VCAN: variants seen among roughly 807,000 people sequenced by gnomAD.
VCAN encodes versican core protein.
VCAN carries 44 observed loss-of-function variants against 245.5 expected under a neutral mutation model. That is an observed-to-expected ratio of 0.18 (90% confidence interval 0.14 to 0.23). The LOEUF is 0.23. VCAN is among the 10% of genes least tolerant of loss of function. The pLI, the probability that VCAN is intolerant of heterozygous loss-of-function variation, is 1.00. For missense variants in VCAN, 3,793 were observed against 4,057.9 expected (o/e 0.93, Z 1.77); for synonymous variants, 1,413 against 1,437.0 (o/e 0.98, Z 0.38).
At chr5:83,476,605 T>C (rs1744401582) in intron 1 of VCAN, among the ~76,000 whole-genome samples, 1 of 152,194 alleles carries the variant, frequency 6.6e-6, no homozygotes, top group African/African-American at 2.4e-5. Flanking sequence ...AAGCTCCATT[T>C]CAATTAGTGA....
chr5:83,553,101 TC>T (rs1163045735), intron 10 of VCAN, among the ~76,000 whole-genome samples: 3 of 152,338 alleles, frequency 2.0e-5, no homozygotes, highest in Admixed American at 1.3e-4. Flanking sequence ...TGGCCCCTCT[TC>T]CAGTTTTCTC....
intron 12 of VCAN, among the ~76,000 whole-genome samples, chr5:83,563,600 C>T (rs76565875): frequency 1.3e-5 from 2 of 152,086 alleles, no homozygotes; most frequent in Non-Finnish European, 1.5e-5. Flanking sequence ...GGTACCTGTC[C>T]TCTTGGGAAA....
chr5:83,535,453 C>T (rs182607667), intron 7 of VCAN, among the ~76,000 whole-genome samples: 1 of 152,156 alleles, frequency 6.6e-6, no homozygotes, highest in Non-Finnish European at 1.5e-5. Context: ...CTTTGCATTA[C>T]ATAAAAGTCT....
At chr5:83,491,167 T>A (rs1276640881) in intron 3 of VCAN, among the ~76,000 whole-genome samples, 1 of 152,202 alleles carries the variant, frequency 6.6e-6, no homozygotes, top group Admixed American at 6.5e-5. Context: ...ATATGTCATT[T>A]GAATTTAAGT....
chr5:83,562,913 T>C (rs1163189542), intron 12 of VCAN, among the ~76,000 whole-genome samples: 1 of 152,180 alleles, frequency 6.6e-6, no homozygotes, highest in East Asian at 1.9e-4. Flanking sequence ...TGTAGGGCAG[T>C]GAGCTCACAC....
At chr5:83,509,146 G>T (rs1745573219) in intron 5 of VCAN, among the ~76,000 whole-genome samples, 1 of 152,110 alleles carries the variant, frequency 6.6e-6, no homozygotes, top group African/African-American at 2.4e-5. Context: ...AGGGATAACA[G>T]AATTTAATCA....
At chr5:83,528,332 A>G (rs1055912354) in intron 7 of VCAN, among the ~76,000 whole-genome samples, 3 of 152,190 alleles carry the variant, frequency 2.0e-5, no homozygotes, top group Admixed American at 1.3e-4. Flanking sequence ...GCCAGTTATT[A>G]GCCAATTGCT....
chr5:83,533,213 A>G (rs1201539), intron 7 of VCAN, among the ~76,000 whole-genome samples: 74,409 of 152,042 alleles, frequency 0.49, 18,590 homozygotes, highest in Middle Eastern at 0.6. Context: ...ATGAAACTGC[A>G]TAATACATTT....
At chr5:83,530,522 G>A (rs1580638083) in intron 7 of VCAN, among the ~76,000 whole-genome samples, 2 of 151,994 alleles carry the variant, frequency 1.3e-5, no homozygotes, top group African/African-American at 4.8e-5. Context: ...AGGAGCAATA[G>A]GAATAAAAGA....
At chr5:83,535,085 A>G (rs563641662) in intron 7 of VCAN, among the ~76,000 whole-genome samples, 1 of 152,230 alleles carries the variant, frequency 6.6e-6, no homozygotes, top group South Asian at 2.1e-4. Flanking sequence ...AATTAGTAAC[A>G]ATTGCAACAT....
At chr5:83,526,104 G>A (rs943355370) in intron 7 of VCAN, among the ~76,000 whole-genome samples, 9 of 151,738 alleles carry the variant, frequency 5.9e-5, no homozygotes, top group Admixed American at 2.0e-4. Flanking sequence ...CATGCCTGGC[G>A]AATTTTTGTA....
At chr5:83,555,399 A>G (rs2112473272) in intron 12 of VCAN, among the ~76,000 whole-genome samples, 1 of 152,370 alleles carries the variant, frequency 6.6e-6, no homozygotes, top group East Asian at 1.9e-4. Flanking sequence ...TTTTAAAAAA[A>G]TACCTTTCCG....
Position 83,580,303 on chromosome 5 carries a change from G to A in VCAN, c.10064-4G>A. 1 of 1,613,736 alleles carries A rather than the reference G, an allele frequency of 6.2e-7. No homozygotes were observed. The highest frequency in any genetic ancestry group is 2.2e-5 in the East Asian group (1 of 44,866). On this transcript the variant is annotated splice_polypyrimidine_tract_variant and splice_region_variant and intron_variant, in intron 14 of 14. Coordinates refer to ENST00000265077, the MANE Select transcript of VCAN (RefSeq NM_004385.5). ...TCTTTTTTTCTTTCTTTCCTTCCATGTAGCATCTGCATACCAAAGGACTTA... is the reference window on the plus strand; with the variant it reads ...TCTTTTTTTCTTTCTTTCCTTCCATATAGCATCTGCATACCAAAGGACTTA...
At chr5:83,568,353 T>C (rs1406186978) in intron 12 of VCAN, among the ~76,000 whole-genome samples, 1 of 152,116 alleles carries the variant, frequency 6.6e-6, no homozygotes. Context: ...TATCAGACAT[T>C]CTTGTAAAAA....
intron 9 of VCAN, among the ~76,000 whole-genome samples, chr5:83,546,592 C>CAAAA (rs11380325): frequency 9.4e-5 from 13 of 137,724 alleles, no homozygotes; most frequent in African/African-American, 3.5e-4. Context: ...CTCACCTCTG[C>CAAAA]AAAAAAAAAA....
intron 2 of VCAN, 28 bp downstream of exon 2, chr5:83,483,616 T>C: frequency 1.3e-6 from 2 of 1,597,910 alleles, no homozygotes; most frequent in Non-Finnish European, 1.7e-6. Flanking sequence ...TTCTTTGGTG[T>C]TAATTGAAAT....
Position 83,516,000 on chromosome 5 carries a change from A to C in VCAN, c.1043-3349A>C, listed in dbSNP as rs546379872. Among the ~76,000 whole-genome samples, 16 of 152,350 alleles carry C rather than the reference A, an allele frequency of 1.1e-4. No individual in the cohort carries two copies. The South Asian group carries it at 1.9e-3, about 18-fold the overall frequency. ...GTAATCCCAGCATTTTGGGAGGCCA[A>C]GGTGGGCGGATCATGAGGTCAGGAG... On this transcript the variant is annotated intron_variant, in intron 6 of 14. Coordinates refer to ENST00000265077, the MANE Select transcript of VCAN (RefSeq NM_004385.5).
At chr5:83,494,070 T>G in intron 5 of VCAN, 139 bp downstream of exon 5, 1 of 1,439,064 alleles carries the variant, frequency 6.9e-7, no homozygotes, top group Non-Finnish European at 9.6e-7. Flanking sequence ...TGTATGATTT[T>G]GTGGTAAAAT....
chr5:83,528,692 G>T lies in VCAN; in HGVS notation c.4003+6383G>T, dbSNP rs145835425. Among the ~76,000 whole-genome samples the T allele has an allele frequency of 4.0e-3, 602 of 152,134 alleles. 1 individual carries two copies. The highest frequency in any genetic ancestry group is 0.014 in the African/African-American group (565 of 41,502). On this transcript the variant is annotated intron_variant, in intron 7 of 14. Transcript: ENST00000265077. ...TGGTTCAGAATTACACACTTACAAA[G>T]TTAAATGGCATAAAACTACTTTGTA...
Sources: gnomAD v4.1 joint callset for allele counts (sites outside exome capture counted in the v4.1 genomes callset) on GRCh38, gnomAD v4.1.1 for gene constraint, MANE v1.5 for transcripts, NCBI Gene and HGNC (gene_info 2026-07-23, HGNC 2026-07-21) for gene names.